The following FAT1 variants were observed in gnomAD, a reference collection of about 807,000 sequenced individuals.
FAT1 encodes the protein protocadherin Fat 1.
FAT1 carries 171 observed loss-of-function variants against 329.8 expected under a neutral mutation model. The observed-to-expected ratio is 0.52, with a 90% CI of 0.46 to 0.59. The LOEUF is 0.59. FAT1 is among the 20% of genes least tolerant of loss of function. The pLI, the probability that FAT1 is intolerant of heterozygous loss-of-function variation, is 0.00. For synonymous variants in FAT1, 2,233 were observed against 2,228.6 expected (o/e 1.00, Z -0.06); for missense variants, 5,672 against 5,774.4 (o/e 0.98, Z 0.57).
chr4:186,590,255 C>T (rs1738171026), intron 26 of FAT1: 1 of 516,202 alleles, frequency 1.9e-6, no homozygotes, highest in Non-Finnish European at 3.5e-6. Context: ...CAGCCGTGTA[C>T]TTAGTTACTG....
At chr4:186,713,239 C>G (rs1745048143) in intron 1 of FAT1, among the ~76,000 whole-genome samples, 1 of 152,108 alleles carries the variant, frequency 6.6e-6, no homozygotes, top group Non-Finnish European at 1.5e-5. Flanking sequence ...TAAGGCTCCT[C>G]TGGAATGTAC....
Position 186,604,538 on chromosome 4 carries a change from C to T in FAT1, c.10387G>A (p.Val3463Ile), listed in dbSNP as rs1254358250. ...KPVGFSVLQLVVTDEDSSHNG... is the reference protein window; with the variant it reads ...KPVGFSVLQLIVTDEDSSHNG... ...TGGGAAGAATCCTCATCTGTTACTA[C>T]CAGCTGCAGCACGCTGAAGCCCACT... The change falls in exon 18 of 27, where the codon GTA (valine) becomes ATA (isoleucine). Residue 3463 changes from valine (V) to isoleucine (I), a missense_variant. By Grantham distance (29) the Val-to-Ile change is conservative. Around this residue, in one of 2 missense-constraint regions of FAT1, gnomAD observed 1,706 missense variants for 1,859.1 expected, o/e 0.92. Coordinates refer to ENST00000441802, the MANE Select transcript of FAT1 (RefSeq NM_005245.4). 2 of 1,612,984 alleles carry T rather than the reference C, an allele frequency of 1.2e-6. No homozygotes were observed. Among genetic ancestry groups the T allele is most frequent in the South Asian group, 2.2e-5 (2 of 90,786 alleles).
Position 186,598,131 on chromosome 4 carries a change from T to C in FAT1, c.12104-6A>G, listed in dbSNP as rs748797862. 8 of 1,591,632 alleles carry C rather than the reference T, an allele frequency of 5.0e-6. No individual in the cohort carries two copies. The East Asian group carries it at 1.6e-4, about 31-fold the overall frequency. On this transcript the variant is annotated splice_region_variant and splice_polypyrimidine_tract_variant and intron_variant, in intron 22 of 26. Transcript: ENST00000441802. ...ACTGCATTTGCAGTAATAACCTAAA[T>C]CGGCAAAAAGGAACAAAAAAGTCCT...
At chr4:186,689,886 GT>G (rs1384718482) in intron 2 of FAT1, among the ~76,000 whole-genome samples, 1 of 152,156 alleles carries the variant, frequency 6.6e-6, no homozygotes, top group African/African-American at 2.4e-5. Context: ...AACACACCAT[GT>G]GACTCTTTAA....
At chr4:186,590,438 T>C (rs760653360) in intron 26 of FAT1, 47 of 1,283,482 alleles carry the variant, frequency 3.7e-5, no homozygotes, top group Middle Eastern at 4.3e-4. Flanking sequence ...AAGAAAACAT[T>C]TGTAATTAAA....
intron 2 of FAT1, among the ~76,000 whole-genome samples, chr4:186,692,421 T>C (rs182392626): frequency 9.1e-4 from 139 of 152,224 alleles, no homozygotes; most frequent in African/African-American, 3.3e-3. Context: ...CACGCCATTC[T>C]CCTGCCTCAG....
chr4:186,712,594 T>G (rs549440610), intron 1 of FAT1, among the ~76,000 whole-genome samples: 5 of 152,048 alleles, frequency 3.3e-5, no homozygotes, highest in Non-Finnish European at 7.4e-5. Context: ...GATAATTAAG[T>G]GCTAAGGAGA....
At chr4:186,592,164 G>C (rs1468265506) in intron 26 of FAT1, among the ~76,000 whole-genome samples, 1 of 152,120 alleles carries the variant, frequency 6.6e-6, no homozygotes, top group Non-Finnish European at 1.5e-5. Flanking sequence ...AAAATAATTT[G>C]GGGAAGGTGC....
At chr4:186,715,604 C>A (rs1172499254) in intron 1 of FAT1, among the ~76,000 whole-genome samples, 1 of 152,198 alleles carries the variant, frequency 6.6e-6, no homozygotes, top group East Asian at 1.9e-4. Context: ...CGGGGAGAGA[C>A]TCCAACACCA....
At chr4:186,668,778 T>A (rs2126628655) in intron 2 of FAT1, among the ~76,000 whole-genome samples, 1 of 152,272 alleles carries the variant, frequency 6.6e-6, no homozygotes, top group Non-Finnish European at 1.5e-5. Context: ...GAGAAACAAA[T>A]TTTCACATTT....
At chr4:186,686,274 T>C (rs1560992021) in intron 2 of FAT1, among the ~76,000 whole-genome samples, 1 of 140,618 alleles carries the variant, frequency 7.1e-6, no homozygotes, top group Non-Finnish European at 1.5e-5. Context: ...CATGTAGCGA[T>C]TTTTTTCCTG....
At chr4:186,601,638 A>G (rs1475604501) in intron 20 of FAT1, 8 of 418,028 alleles carry the variant, frequency 1.9e-5, no homozygotes. Context: ...TGACGACTGC[A>G]TCACAGAGAA....
rs745364921 is a variant in FAT1 at position 186,707,526 on chromosome 4, C to G, written c.2302G>C (p.Asp768His). Residue 768 changes from aspartate (D) to histidine (H), a missense_variant, in exon 2 of 27, where the codon GAT becomes CAT. Transcript: ENST00000441802. ...GGNEDSCFMIDMETGMLKILS... is the reference protein window; with the variant it reads ...GGNEDSCFMIHMETGMLKILS... The stretch of plus-strand genomic sequence containing the variant: ...ATTTTCAGCATTCCTGTTTCCATAT[C>G]AATCATGAAGCAACTATCCTCATTT... 1 of 1,614,004 alleles carries G rather than the reference C, an allele frequency of 6.2e-7. No individual in the cohort carries two copies. The highest frequency in any genetic ancestry group is 8.5e-7 in the Non-Finnish European group (1 of 1,179,884).
chr4:186,590,372 T>C (rs1029450322), intron 26 of FAT1: 2 of 1,289,300 alleles, frequency 1.6e-6, no homozygotes, highest in Admixed American at 2.3e-5. Context: ...AGTCACCTCT[T>C]GGTTTGCTGA....
At chr4:186,594,676 GTATATA>G (rs60074549) in intron 26 of FAT1, among the ~76,000 whole-genome samples, 24,223 of 128,256 alleles carry the variant, frequency 0.19, 2,184 homozygotes, top group Admixed American at 0.22. Flanking sequence ...ATACTTGAAA[GTATATA>G]TATATATATA....
At chr4:186,592,570 A>G in intron 26 of FAT1, 1 of 399,590 alleles carries the variant, frequency 2.5e-6, no homozygotes, top group South Asian at 1.8e-5. Flanking sequence ...CATAAAATAA[A>G]AGGACTCAAC....
chr4:186,600,131 C>G lies in FAT1; in HGVS notation c.11870G>C (p.Arg3957Pro). 1 of 1,614,048 alleles carries G rather than the reference C, an allele frequency of 6.2e-7. No homozygotes were observed. Among genetic ancestry groups the G allele is most frequent in the Non-Finnish European group, 8.5e-7 (1 of 1,179,904 alleles). Residue 3957 changes from arginine (R) to proline (P), a missense_variant, in exon 22 of 27, where the codon CGT becomes CCT. Arg to Pro is a moderately radical substitution (Grantham distance 103, BLOSUM62 -2). Coordinates refer to ENST00000441802, the MANE Select transcript of FAT1 (RefSeq NM_005245.4). Reference sequence around the variant, plus strand: ...TCTTCCATGCCTTGTTCCCTGCTGACGGATGTGGCCACCAAAAAACACATA... The same window carrying G: ...TCTTCCATGCCTTGTTCCCTGCTGAGGGATGTGGCCACCAAAAAACACATA... ...DNYVFFGGHI[R>P]QQGTRHGRSP...
intron 3 of FAT1, among the ~76,000 whole-genome samples, chr4:186,649,253 A>G (rs765529262): frequency 6.6e-6 from 1 of 152,212 alleles, no homozygotes; most frequent in Admixed American, 6.5e-5. Context: ...TGTTAGAACA[A>G]AAGTTAAATG....
At position 186,628,134 on chromosome 4, in the gene FAT1, A is replaced by G. The variant is rs748709620; in HGVS notation, c.4810+20T>C. Reference sequence around the variant, plus strand: ...TTAACAACTGCAAATTTAAAATGCCACTGAAGGCTCCAAAAGTACCTGACT... The same window carrying G: ...TTAACAACTGCAAATTTAAAATGCCGCTGAAGGCTCCAAAAGTACCTGACT... On this transcript the variant is annotated intron_variant, in intron 9 of 26. Coordinates refer to ENST00000441802, the MANE Select transcript of FAT1 (RefSeq NM_005245.4). 4 of 1,610,224 alleles carry G rather than the reference A, an allele frequency of 2.5e-6. No homozygotes were observed. Among genetic ancestry groups the G allele is most frequent in the Admixed American group, 1.7e-5 (1 of 59,600 alleles).
Sources: gnomAD v4.1 joint callset for allele counts (sites outside exome capture counted in the v4.1 genomes callset) on GRCh38, gnomAD v4.1.1 for gene constraint, gnomAD v4.1.1 regional missense constraint, MANE v1.5 for transcripts, NCBI Gene and HGNC (gene_info 2026-07-23, HGNC 2026-07-21) for gene names.